The following PHKA2 variants were observed in gnomAD, a reference collection of about 807,000 sequenced individuals.
The protein encoded by PHKA2 is phosphorylase b kinase regulatory subunit alpha, liver isoform.
A neutral mutation model predicts 102.0 loss-of-function variants in PHKA2; 31 were observed. The ratio of observed to expected loss-of-function variants is 0.30; its 90% CI spans 0.23 to 0.41. The LOEUF (loss-of-function observed/expected upper bound fraction) is 0.41. PHKA2 is among the 10% of genes least tolerant of loss of function. The pLI is 1.00. For synonymous variants in PHKA2, 455 were observed against 416.2 expected, an observed-to-expected ratio of 1.09 and a Z score of -1.13; for missense variants, 858 against 1,023.1, an observed-to-expected ratio of 0.84 and a Z score of 2.20.
chrX:18,934,123 C>T (rs989716381), intron 11 of PHKA2, among the ~76,000 whole-genome samples: 2 of 111,988 alleles, frequency 1.8e-5, no homozygotes, highest in South Asian at 3.7e-4. Context: ...GGGAAAGGAG[C>T]GACCTGAAGC....
chrX:18,893,759 G>T (rs977600927), intron 32 of PHKA2, 104 bp from the exon 33 acceptor site: 1 of 766,202 alleles, frequency 1.3e-6, no homozygotes, highest in African/African-American at 2.0e-5. Context: ...GGTGAGGGTT[G>T]CTCTAGTAGA....
chrX:18,929,374 T>C, intron 12 of PHKA2, 68 bp from the exon 13 acceptor site: 1 of 743,767 alleles, frequency 1.3e-6, no homozygotes, highest in Non-Finnish European at 2.1e-6. Flanking sequence ...AACTGAAGTG[T>C]GAAAATGAAA....
At chrX:18,948,627 G>A (rs1175332816) in intron 5 of PHKA2, 117 bp downstream of exon 5, 6 of 525,604 alleles carry the variant, frequency 1.1e-5, no homozygotes, top group Non-Finnish European at 2.1e-5. Flanking sequence ...ATCTCATAGC[G>A]CTAGTCTCGC....
intron 26 of PHKA2, 69 bp downstream of exon 26, chrX:18,905,689 T>G (rs1408322853): frequency 1.4e-6 from 1 of 707,935 alleles, no homozygotes; most frequent in Non-Finnish European, 2.3e-6. Flanking sequence ...CCCACAGTGC[T>G]GGTTCTAATG....
chrX:18,941,733 T>TCC, intron 7 of PHKA2, 58 bp from the exon 8 acceptor site: 1 of 854,458 alleles, frequency 1.2e-6, no homozygotes, highest in Non-Finnish European at 1.8e-6. Context: ...GCGCAGTATC[T>TCC]AGGGACCATG....
At chrX:18,895,935 G>GGAGCAAGCATCATGAGCACCATGA (rs1223399329) in intron 30 of PHKA2, 2 of 112,173 alleles carry the variant, frequency 1.8e-5, no homozygotes, top group Non-Finnish European at 3.7e-5. Flanking sequence ...AGCCCCTGCA[G>GGAGCAAGCATCATGAGCACCATGA]GATCCTGCCT....
chrX:18,977,000 T>C (rs1192653851), intron 1 of PHKA2, among the ~76,000 whole-genome samples: 1 of 112,549 alleles, frequency 8.9e-6, no homozygotes, highest in African/African-American at 3.2e-5. Context: ...AATTTTTAAA[T>C]CTTTCTTCTT....
Position 18,941,664 on chromosome X carries a change from G to A in PHKA2, c.729C>T (p.Phe243=). 8.6e-7 allele frequency: 1 copy of A among 1,164,662 alleles called. No homozygotes were observed. The highest frequency in any genetic ancestry group is 1.2e-6 in the Non-Finnish European group (1 of 851,868). ...DEVEHCQSIL[F]SMLPRASTSK... Reference sequence around the variant, plus strand: ...ATGTCGACGCTCTTGGCAGCATGGAGAACAGAATAGACTGAATGAAAAACA... The same window carrying A: ...ATGTCGACGCTCTTGGCAGCATGGAAAACAGAATAGACTGAATGAAAAACA... Residue 243 remains phenylalanine (F), a synonymous_variant, in exon 8 of 33, where the codon TTC becomes TTT. Coordinates refer to ENST00000379942, the MANE Select transcript of PHKA2 (RefSeq NM_000292.3).
Position 18,979,767 on chromosome X carries a change from T to G in PHKA2, c.78+4088A>C, listed in dbSNP as rs946439075. ...AGATACAGGAAAAGGAATTAAGATG[T>G]TAGCTTAACTAATAATTTAATTTAA... On this transcript the variant is annotated intron_variant, in intron 1 of 32. Coordinates refer to ENST00000379942, the MANE Select transcript of PHKA2 (RefSeq NM_000292.3). Among the ~76,000 whole-genome samples, 3 of 111,104 alleles carry G rather than the reference T, an allele frequency of 2.7e-5. No individual in the cohort carries two copies. The Admixed American group carries it at 2.9e-4, about 11-fold the overall frequency.
intron 11 of PHKA2, among the ~76,000 whole-genome samples, chrX:18,935,777 ATT>A (rs774502316): frequency 2.5e-4 from 19 of 77,151 alleles, no homozygotes; most frequent in Non-Finnish European, 2.3e-4. Context: ...TAATTTTTGT[ATT>A]TTTTTTTTTT....
At chrX:18,947,642 C>T (rs901402904) in intron 5 of PHKA2, among the ~76,000 whole-genome samples, 2 of 112,474 alleles carry the variant, frequency 1.8e-5, no homozygotes, top group Admixed American at 9.4e-5. Context: ...ATCCAGCAAT[C>T]CCACTCCTGG....
rs192388536 is a variant in PHKA2 at position 18,957,553 on chromosome X, A to G, written c.79-3141T>C. Reference sequence around the variant, plus strand: ...AATCTTTGAAAAACACTATTTAGCTATATCTGCACCCACACAGAGCATTGT... The same window carrying G: ...AATCTTTGAAAAACACTATTTAGCTGTATCTGCACCCACACAGAGCATTGT... On this transcript the variant is annotated intron_variant, in intron 1 of 32. Coordinates refer to ENST00000379942, the MANE Select transcript of PHKA2 (RefSeq NM_000292.3). Among the ~76,000 whole-genome samples, 86 of 110,797 alleles carry G rather than the reference A, an allele frequency of 7.8e-4. No homozygotes were observed. In the East Asian group the frequency reaches 0.018, roughly 23 times the overall value.
intron 6 of PHKA2, 45 bp from the exon 7 acceptor site, chrX:18,943,853 C>T (rs1466385124): frequency 2.3e-6 from 2 of 876,757 alleles, no homozygotes; most frequent in East Asian, 3.1e-5. Context: ...AATAAACATA[C>T]ACTCCAATAT....
At position 18,938,765 on chromosome X, in the gene PHKA2, T is replaced by C. The variant is rs1328863116; in HGVS notation, c.919-16A>G. 1 of 1,193,453 alleles carries C rather than the reference T, an allele frequency of 8.4e-7. No homozygotes were observed. Among genetic ancestry groups the C allele is most frequent in the East Asian group, 3.0e-5 (1 of 33,725 alleles). On this transcript the variant is annotated splice_polypyrimidine_tract_variant and intron_variant, in intron 9 of 32. Transcript: ENST00000379942. ...GATTAGGGTCCTAGAATCAAATAAG[T>C]CAAACTTTTAAAAGGTGATGTCAGA...
intron 1 of PHKA2, among the ~76,000 whole-genome samples, chrX:18,955,970 T>C (rs1292760230): frequency 1.8e-5 from 2 of 112,600 alleles, no homozygotes; most frequent in Non-Finnish European, 3.7e-5. Flanking sequence ...TAGGAATGAC[T>C]GAAAGTACAA....
At chrX:18,941,414 G>A (rs1282871860) in intron 8 of PHKA2, 115 bp downstream of exon 8, 4 of 673,535 alleles carry the variant, frequency 5.9e-6, no homozygotes, top group East Asian at 6.4e-5. Flanking sequence ...TTTGAACGCT[G>A]TATGCATCTG....
At chrX:18,934,320 A>G (rs1423127075) in intron 11 of PHKA2, among the ~76,000 whole-genome samples, 2 of 112,241 alleles carry the variant, frequency 1.8e-5, no homozygotes, top group Non-Finnish European at 3.8e-5. Flanking sequence ...AGGGAAGACT[A>G]GTTCCTCTCC....
chrX:18,915,907 G>A (rs1009515820), intron 19 of PHKA2, among the ~76,000 whole-genome samples: 1 of 111,453 alleles, frequency 9.0e-6, no homozygotes, highest in Non-Finnish European at 1.9e-5. Context: ...CAGAGAAAAT[G>A]TTGGGCAGGA....
intron 1 of PHKA2, among the ~76,000 whole-genome samples, chrX:18,975,733 T>A (rs746508168): frequency 6.7e-4 from 74 of 111,036 alleles, no homozygotes; most frequent in African/African-American, 2.3e-3. Context: ...ACTCCAAATC[T>A]CACCATTCCA....
Sources: allele counts gnomAD v4.1 joint callset (sites outside exome capture counted in the v4.1 genomes callset), GRCh38; gene constraint gnomAD v4.1.1; transcripts MANE v1.5; gene names NCBI Gene and HGNC (gene_info 2026-07-23, HGNC 2026-07-21).